The following PRKCQ variants were observed in gnomAD, a reference collection of about 807,000 sequenced individuals.
PRKCQ encodes the protein protein kinase C theta type.
PRKCQ carries 41 observed loss-of-function variants against 91.2 expected under a neutral mutation model. That is an observed-to-expected ratio of 0.45 (90% CI 0.35 to 0.58). PRKCQ has a LOEUF of 0.58. PRKCQ is among the 20% of genes least tolerant of loss of function. The pLI is 0.00. For synonymous variants in PRKCQ, 307 were observed against 316.9 expected (o/e 0.97, Z 0.33); for missense variants, 673 against 896.5 (o/e 0.75, Z 3.18).
chr10:6,429,388 G>C (rs942981196), intron 17 of PRKCQ, among the ~76,000 whole-genome samples: 2 of 152,216 alleles, frequency 1.3e-5, no homozygotes, highest in African/African-American at 4.8e-5. Context: ...CAAGTAATTA[G>C]AGTGCTTGAG....
At chr10:6,537,042 A>G (rs1249070177) in intron 1 of PRKCQ, among the ~76,000 whole-genome samples, 1 of 152,178 alleles carries the variant, frequency 6.6e-6, no homozygotes, top group Non-Finnish European at 1.5e-5. Flanking sequence ...CAATTTGACA[A>G]GCATCAGGGA....
rs1182192103 is a variant in PRKCQ at position 6,427,365 on chromosome 10, G to C, written c.*842C>G. On this transcript the variant is annotated 3_prime_UTR_variant, in exon 18 of 18. Coordinates refer to ENST00000263125, the MANE Select transcript of PRKCQ (RefSeq NM_006257.5). ...CATGAAATCACCAGTCATGGCACGA[G>C]AAGGGGTTAAGGTTCTTTTCCCAGG... 6.6e-6 allele frequency: 1 copy of C among 152,176 alleles called. No homozygotes were observed. The highest frequency in any genetic ancestry group is 1.5e-5 in the Non-Finnish European group (1 of 68,042). 9.4% of individuals were successfully genotyped at this position (152,176 alleles called of 1,614,324 possible). A position where few individuals can be genotyped will look rare whatever the true frequency, so the allele number is the denominator to read the frequency against.
At chr10:6,522,309 AT>A (rs1283561939) in intron 1 of PRKCQ, among the ~76,000 whole-genome samples, 1 of 152,198 alleles carries the variant, frequency 6.6e-6, no homozygotes, top group African/African-American at 2.4e-5. Context: ...TTTAAGTGTG[AT>A]CTCATTTGTC....
chr10:6,500,272 A>T (rs1029044104), intron 4 of PRKCQ, among the ~76,000 whole-genome samples: 6 of 152,132 alleles, frequency 3.9e-5, no homozygotes, highest in Non-Finnish European at 4.4e-5. Context: ...AGATGAAATA[A>T]AATAAAATAA....
intron 15 of PRKCQ, among the ~76,000 whole-genome samples, chr10:6,450,142 T>G (rs1422013522): frequency 6.7e-6 from 1 of 149,176 alleles, no homozygotes; most frequent in South Asian, 2.2e-4. Flanking sequence ...GACTGGCAAA[T>G]TGGATAAAGA....
chr10:6,492,519 C>G (rs905423490), intron 7 of PRKCQ, among the ~76,000 whole-genome samples: 1 of 152,158 alleles, frequency 6.6e-6, no homozygotes, highest in African/African-American at 2.4e-5. Flanking sequence ...AGGTAAGAAA[C>G]TTGCCCAGGA....
intron 1 of PRKCQ, among the ~76,000 whole-genome samples, chr10:6,558,004 TG>T (rs1174898799): frequency 6.6e-6 from 1 of 152,230 alleles, no homozygotes; most frequent in Non-Finnish European, 1.5e-5. Context: ...AATAATTTCA[TG>T]ATTCCAATAG....
At chr10:6,553,438 C>T (rs1194121855) in intron 1 of PRKCQ, among the ~76,000 whole-genome samples, 5 of 145,624 alleles carry the variant, frequency 3.4e-5, no homozygotes, top group African/African-American at 1.0e-4. Flanking sequence ...TGCAGAGAGC[C>T]GAGATAGTGC....
chr10:6,443,869 C>T (rs1044540991), intron 15 of PRKCQ, among the ~76,000 whole-genome samples: 9 of 152,134 alleles, frequency 5.9e-5, no homozygotes, highest in African/African-American at 2.2e-4. Flanking sequence ...AGTTTTTGCC[C>T]TTACTTTCAG....
intron 1 of PRKCQ, among the ~76,000 whole-genome samples, chr10:6,524,412 T>C (rs2130886894): frequency 6.6e-6 from 1 of 152,248 alleles, no homozygotes; most frequent in East Asian, 1.9e-4. Flanking sequence ...GGGCCTGAAT[T>C]CAAACTCAGG....
chr10:6,516,206 G>C (rs1185244282), intron 1 of PRKCQ, among the ~76,000 whole-genome samples: 1 of 152,074 alleles, frequency 6.6e-6, no homozygotes, highest in Non-Finnish European at 1.5e-5. Flanking sequence ...GGAGATCTTG[G>C]GCCTGTAATA....
At chr10:6,505,140 C>T (rs1480763947) in intron 4 of PRKCQ, among the ~76,000 whole-genome samples, 2 of 152,192 alleles carry the variant, frequency 1.3e-5, no homozygotes, top group African/African-American at 2.4e-5. Context: ...GATCCACCTG[C>T]CTCGGCCTCC....
At chr10:6,458,536 G>C (rs758001951) in intron 14 of PRKCQ, among the ~76,000 whole-genome samples, 1 of 152,112 alleles carries the variant, frequency 6.6e-6, no homozygotes, top group Non-Finnish European at 1.5e-5. Context: ...ACATCCAGGG[G>C]CACCCTTTCA....
In PRKCQ at chr10:6,489,589, G is replaced by A. The variant is rs750325864; in HGVS notation, c.790+2094C>T. 7 of 427,948 alleles carry A rather than the reference G, an allele frequency of 1.6e-5. No homozygotes were observed. The East Asian group carries it at 2.1e-4, about 13-fold the overall frequency. 26.5% of individuals were successfully genotyped at this position (427,948 alleles called of 1,614,324 possible). On this transcript the variant is annotated intron_variant, in intron 8 of 17. Coordinates refer to ENST00000263125, the MANE Select transcript of PRKCQ (RefSeq NM_006257.5). ...GGAAGAGAGCTGGAGAAGAGGGCGA[G>A]AAGAGTCGAGAAAGGAGGACGCGGG...
chr10:6,490,366 C>G (rs1837217095), intron 8 of PRKCQ, among the ~76,000 whole-genome samples: 1 of 151,946 alleles, frequency 6.6e-6, no homozygotes, highest in African/African-American at 2.4e-5. Flanking sequence ...GTCAGTAGCA[C>G]TGATCAAAAT....
At chr10:6,442,212 C>A (rs1834006435) in intron 15 of PRKCQ, 131 bp from the exon 16 acceptor site, 1 of 892,564 alleles carries the variant, frequency 1.1e-6, no homozygotes, top group Non-Finnish European at 1.6e-6. Context: ...ACCCTGAAAC[C>A]CATCTCTTGG....
At chr10:6,416,203 TA>T in the PRKCQ span, among the ~76,000 whole-genome samples, 440 of 151,838 alleles carry the variant, frequency 2.9e-3, 3 homozygotes, top group African/African-American at 0.01. Context: ...CTTCTTTTTT[TA>T]AAATTTAATT....
downstream of PRKCQ, among the ~76,000 whole-genome samples, chr10:6,426,967 CTT>C (rs1833141415): frequency 6.6e-6 from 1 of 152,180 alleles, no homozygotes; most frequent in Non-Finnish European, 1.5e-5. Context: ...AACTCCTGAC[CTT>C]AGGTGATCTG....
At chr10:6,498,127 T>C (rs653760) in intron 5 of PRKCQ, among the ~76,000 whole-genome samples, 150,053 of 152,226 alleles carry the variant, frequency 0.99, 73,990 homozygotes, top group East Asian at 1. Context: ...CACTTCTGTT[T>C]CTTCCCACTT....
Sources: allele counts gnomAD v4.1 joint callset (sites outside exome capture counted in the v4.1 genomes callset), GRCh38; gene constraint gnomAD v4.1.1; transcripts MANE v1.5; gene names NCBI Gene and HGNC (gene_info 2026-07-23, HGNC 2026-07-21).